GJB2: variants seen among roughly 807,000 people sequenced by gnomAD.
The protein encoded by GJB2 is gap junction beta-2 protein.
In GJB2, 30 loss-of-function variants were observed where a neutral mutation model predicts 16.0. That is an observed-to-expected ratio of 1.88 (90% confidence interval 1.41 to 2.55). The LOEUF (loss-of-function observed/expected upper bound fraction) is 2.55. GJB2 is among the 30% of genes most tolerant of loss of function. GJB2 has a pLI of 0.00. For missense variants in GJB2, 284 were observed against 289.7 expected (o/e 0.98, Z 0.14); for synonymous variants, 123 against 119.1 (o/e 1.03, Z -0.21).
Position 20,189,072 on chromosome 13 carries a change from G to GT in GJB2, c.509dup (p.Asn170LysfsTer40), listed in dbSNP as rs749675121. 6.2e-7 allele frequency: 1 copy of GT among 1,614,042 alleles called. No individual in the cohort carries two copies. Among genetic ancestry groups the GT allele is most frequent in the Non-Finnish European group, 8.5e-7 (1 of 1,180,018 alleles). On this transcript the variant is annotated frameshift_variant, in exon 2 of 2. Coordinates refer to ENST00000382848, the MANE Select transcript of GJB2 (RefSeq NM_004004.6). LOFTEE classifies it high-confidence loss of function. Reference sequence around the variant, plus strand: ...CCACAGTGTTGGGACAAGGCCAGGCGTTGCACTTCACCAGCCGCTGCATGG... The same window carrying GT: ...CCACAGTGTTGGGACAAGGCCAGGCGTTTGCACTTCACCAGCCGCTGCATGG...
chr13:20,189,794 A>C, intron 1 of GJB2, 191 bp from the exon 2 acceptor site: 1 of 617,864 alleles, frequency 1.6e-6, no homozygotes, highest in Non-Finnish European at 3.0e-6. Context: ...TAGTTCCCAA[A>C]CCCTCTTGAA....
Position 20,188,123 on chromosome 13 carries a change from G to C in GJB2, c.*778C>G, listed in dbSNP as rs1335493899. On this transcript the variant is annotated 3_prime_UTR_variant, in exon 2 of 2. Transcript: ENST00000382848. ...CATTTGCTATCATAAGCCATCACTA[G>C]GAACTTCTAGTCTGTCTCACTCGAT... 1.3e-5 allele frequency: 2 copies of C among 152,196 alleles called. No homozygotes were observed. The highest frequency in any genetic ancestry group is 2.9e-5 in the Non-Finnish European group (2 of 68,036). 9.4% of individuals were successfully genotyped at this position (152,196 alleles called of 1,614,324 possible).
Position 20,189,448 on chromosome 13 carries a change from C to T in GJB2, c.134G>A (p.Gly45Glu), listed in dbSNP as rs72561723. ...GCAGACAAAGTCGGCCTGCTCATCT[C>T]CCCACACCTCCTTTGCAGCCACAAC... ...ILVVAAKEVWGDEQADFVCNT... is the reference protein window; with the variant it reads ...ILVVAAKEVWEDEQADFVCNT... The change falls in exon 2 of 2, where the codon GGA (glycine) becomes GAA (glutamate). Residue 45 changes from glycine (G) to glutamate (E), a missense_variant. Gly to Glu is a moderately conservative substitution (Grantham distance 98, BLOSUM62 -2). Coordinates refer to ENST00000382848, the MANE Select transcript of GJB2 (RefSeq NM_004004.6). 35 of 1,613,102 alleles carry T rather than the reference C, an allele frequency of 2.2e-5. No homozygotes were observed. In the East Asian group the frequency reaches 7.6e-4, roughly 35 times the overall value.
At chr13:20,189,886 T>G (rs1959066447) in intron 1 of GJB2, 2 of 450,140 alleles carry the variant, frequency 4.4e-6, no homozygotes, top group South Asian at 4.2e-5. Context: ...CATAAAAATT[T>G]GCTGTGCTGG....
Position 20,188,759 on chromosome 13 carries a change from C to A in GJB2, c.*142G>T. 1.4e-6 allele frequency: 1 copy of A among 694,536 alleles called. No individual in the cohort carries two copies. The highest frequency in any genetic ancestry group is 1.6e-5 in the South Asian group (1 of 61,308). The allele number at this position is 694,536 out of a possible 1,614,324, so 43.0% of individuals were successfully genotyped here. The stretch of plus-strand genomic sequence containing the variant: ...GTGGCATCTGGAGTTTCACCTGAGG[C>A]CTACAGGGGTTTCAAATGGTTGCAT... On this transcript the variant is annotated 3_prime_UTR_variant, in exon 2 of 2. Transcript: ENST00000382848.
rs1566528550 is a variant in GJB2, at chr13:20,189,240, T to C, written c.342A>G (p.Glu114=). The C allele has an allele frequency of 2.5e-6, 4 of 1,613,670 alleles. No individual in the cohort carries two copies. The South Asian group carries it at 4.4e-5, about 18-fold the overall frequency. The change falls in exon 2 of 2, where the codon GAA becomes GAG. Residue 114 remains glutamate, a synonymous_variant. Transcript: ENST00000382848. ...RKFIKGEIKS[E]FKDIEEIKTQ... is the part of the protein sequence containing the mutation. The stretch of plus-strand genomic sequence containing the variant: ...TTTTGATCTCCTCGATGTCCTTAAA[T>C]TCACTCTTTATCTCCCCCTTGATGA...
intron 1 of GJB2, among the ~76,000 whole-genome samples, chr13:20,190,985 A>G (rs555881151): frequency 6.6e-6 from 1 of 152,302 alleles, no homozygotes; most frequent in East Asian, 1.9e-4. Context: ...CTAACAGGAG[A>G]GAGGTGGCCA....
In GJB2 at chr13:20,189,355, A is replaced by G. The variant is rs111033361; in HGVS notation, c.227T>C (p.Leu76Pro). 9 of 1,614,070 alleles carry G rather than the reference A, an allele frequency of 5.6e-6. No homozygotes were observed. The highest frequency in any genetic ancestry group is 6.8e-6 in the Non-Finnish European group (8 of 1,180,042). The change falls in exon 2 of 2, where the codon CTA (leucine) becomes CCA (proline). Residue 76 changes from leucine to proline, a missense_variant. Coordinates refer to ENST00000382848, the MANE Select transcript of GJB2 (RefSeq NM_004004.6). ...CACGAAGATCAGCTGCAGGGCCCAT[A>G]GCCGGATGTGGGAGATGGGGAAGTA... ...DHYFPISHIR[L>P]WALQLIFVST...
In GJB2 at chr13:20,188,758, G is replaced by C. The variant is rs1250005649; in HGVS notation, c.*143C>G. The stretch of plus-strand genomic sequence containing the variant: ...TGTGGCATCTGGAGTTTCACCTGAG[G>C]CCTACAGGGGTTTCAAATGGTTGCA... On this transcript the variant is annotated 3_prime_UTR_variant, in exon 2 of 2. Transcript: ENST00000382848. 8.7e-6 allele frequency: 6 copies of C among 691,626 alleles called. No homozygotes were observed. The highest frequency in any genetic ancestry group is 1.5e-5 in the Non-Finnish European group (6 of 388,858). 42.8% of individuals were successfully genotyped at this position (691,626 alleles called of 1,614,324 possible).
In GJB2 at chr13:20,189,451, C is replaced by T. The variant is rs104894413; in HGVS notation, c.131G>A (p.Trp44Ter). ...MILVVAAKEV[W>*]GDEQADFVCN... ...GACAAAGTCGGCCTGCTCATCTCCC[C>T]ACACCTCCTTTGCAGCCACAACGAG... Residue 44 changes from tryptophan to a stop codon, truncating the protein, a stop_gained, in exon 2 of 2, where the codon TGG becomes TAG. Coordinates refer to ENST00000382848, the MANE Select transcript of GJB2 (RefSeq NM_004004.6). LOFTEE classifies it high-confidence loss of function. 6.2e-6 allele frequency: 10 copies of T among 1,613,034 alleles called. No homozygotes were observed. The Admixed American group carries it at 1.7e-4, about 27-fold the overall frequency.
chr13:20,189,555 G>T lies in GJB2; in HGVS notation c.27C>A (p.Ile9=), dbSNP rs1286249617. Residue 9 remains isoleucine (I), a synonymous_variant, in exon 2 of 2, where the codon ATC becomes ATA. Coordinates refer to ENST00000382848, the MANE Select transcript of GJB2 (RefSeq NM_004004.6). The part of the protein sequence containing the change: MDWGTLQT[I]LGGVNKHSTS... The stretch of plus-strand genomic sequence containing the variant: ...TGGAGTGTTTGTTCACACCCCCCAG[G>T]ATCGTCTGCAGCGTGCCCCAATCCA... The T allele has an allele frequency of 6.2e-7, 1 of 1,614,146 alleles. No individual in the cohort carries two copies. Among genetic ancestry groups the T allele is most frequent in the Admixed American group, 1.7e-5 (1 of 60,026 alleles).
chr13:20,190,290 G>C (rs566754670), intron 1 of GJB2, among the ~76,000 whole-genome samples: 1 of 152,220 alleles, frequency 6.6e-6, no homozygotes, highest in African/African-American at 2.4e-5. Flanking sequence ...CTACGTGAAA[G>C]GAAGAGGTTA....
chr13:20,192,228 G>A (rs1183865773), intron 1 of GJB2, among the ~76,000 whole-genome samples: 1 of 152,184 alleles, frequency 6.6e-6, no homozygotes, highest in African/African-American at 2.4e-5. Flanking sequence ...TGAAATCTTG[G>A]CCCCGGGGTA....
chr13:20,190,856 TC>T (rs2137310290), intron 1 of GJB2, among the ~76,000 whole-genome samples: 1 of 152,312 alleles, frequency 6.6e-6, no homozygotes, highest in South Asian at 2.1e-4. Flanking sequence ...GCAAGTTGCA[TC>T]CCGTTTTCTG....
Position 20,189,324 on chromosome 13 carries a change from C to T in GJB2, c.258G>A (p.Thr86=), listed in dbSNP as rs139362103. The part of the protein sequence containing the change: ...LWALQLIFVS[T]PALLVAMHVA... ...CGTGCATGGCCACTAGGAGCGCTGGCGTGGACACGAAGATCAGCTGCAGGG... is the reference window on the plus strand; with the variant it reads ...CGTGCATGGCCACTAGGAGCGCTGGTGTGGACACGAAGATCAGCTGCAGGG... The change falls in exon 2 of 2, where the codon ACG becomes ACA. Residue 86 remains threonine (T), a synonymous_variant. Transcript: ENST00000382848. 4.0e-5 allele frequency: 64 copies of T among 1,614,024 alleles called. No individual in the cohort carries two copies. Among genetic ancestry groups the T allele is most frequent in the African/African-American group, 5.3e-5 (4 of 75,020 alleles).
chr13:20,191,178 G>A (rs962625880), intron 1 of GJB2, among the ~76,000 whole-genome samples: 3 of 152,168 alleles, frequency 2.0e-5, no homozygotes, highest in African/African-American at 7.2e-5. Flanking sequence ...GCTCAGGCCA[G>A]TCCCGTCCCA....
At position 20,188,937 on chromosome 13, in the gene GJB2, A is replaced by C. The variant is rs750216973; in HGVS notation, c.645T>G (p.Ile215Met). The C allele has an allele frequency of 1.2e-6, 2 of 1,613,654 alleles. No homozygotes were observed. Among genetic ancestry groups the C allele is most frequent in the Admixed American group, 3.3e-5 (2 of 60,022 alleles). The change falls in exon 2 of 2, where the codon ATT becomes ATG. Residue 215 changes from isoleucine (I) to methionine (M), a missense_variant. Coordinates refer to ENST00000382848, the MANE Select transcript of GJB2 (RefSeq NM_004004.6). ...LNVTELCYLL[I>M]RYCSGKSKKP... ...TTTTTGACTTCCCAGAACAATATCT[A>C]ATTAGCAAATAACACAATTCAGTGA...
Position 20,189,528 on chromosome 13 carries a change from G to C in GJB2, c.54C>G (p.Thr18=). 6.2e-7 allele frequency: 1 copy of C among 1,614,076 alleles called. No homozygotes were observed. The highest frequency in any genetic ancestry group is 1.1e-5 in the South Asian group (1 of 91,076). Residue 18 remains threonine, a synonymous_variant, in exon 2 of 2, where the codon ACC becomes ACG. Transcript: ENST00000382848. ...TILGGVNKHS[T]SIGKIWLTVL... ...CGGTGAGCCAGATCTTTCCAATGCT[G>C]GTGGAGTGTTTGTTCACACCCCCCA...
In GJB2 at chr13:20,189,174, G is replaced by GT. The variant is rs771409330; in HGVS notation, c.407dup (p.Tyr136Ter). The GT allele has an allele frequency of 7.4e-6, 12 of 1,613,958 alleles. No homozygotes were observed. In the South Asian group the frequency reaches 1.3e-4, roughly 18 times the overall value. Residue 136 changes from tyrosine (Y) to a stop codon, truncating the protein, a stop_gained and frameshift_variant, in exon 2 of 2, where the codon TAC (tyrosine) becomes TAAC (stop). Coordinates refer to ENST00000382848, the MANE Select transcript of GJB2 (RefSeq NM_004004.6). LOFTEE classifies it high-confidence loss of function. ...VRIEGSLWWTYTSSIFFRVIF... is the reference protein window; with the variant it reads ...VRIEGSLWWT ...TGACCCGGAAGAAGATGCTGCTTGTGTAGGTCCACCACAGGGAGCCTTCGA... is the reference window on the plus strand; with the variant it reads ...TGACCCGGAAGAAGATGCTGCTTGTGTTAGGTCCACCACAGGGAGCCTTCGA...
Sources: gnomAD v4.1 joint callset for allele counts (sites outside exome capture counted in the v4.1 genomes callset) on GRCh38, gnomAD v4.1.1 for gene constraint, MANE v1.5 for transcripts, NCBI Gene and HGNC (gene_info 2026-07-23, HGNC 2026-07-21) for gene names.